LARP4: variants seen among roughly 807,000 people sequenced by gnomAD.
LARP4 encodes la-related protein 4.
In LARP4, 29 loss-of-function variants were observed where a neutral mutation model predicts 92.9. The observed-to-expected ratio is 0.31, with a 90% CI of 0.23 to 0.43. The LOEUF is 0.43. LARP4 is among the 20% of genes least tolerant of loss of function. LARP4 has a pLI of 1.00. For missense variants in LARP4, 732 were observed against 860.0 expected (o/e 0.85, Z 1.86); for synonymous variants, 279 against 284.1 (o/e 0.98, Z 0.18).
intron 7 of LARP4, 26 bp downstream of exon 7, chr12:50,440,575 A>G: frequency 6.7e-7 from 1 of 1,487,524 alleles, no homozygotes; most frequent in Non-Finnish European, 9.4e-7. Flanking sequence ...TTTCTGATAC[A>G]AGTCCATCCT....
intron 10 of LARP4, among the ~76,000 whole-genome samples, chr12:50,460,922 A>G (rs774909000): frequency 2.6e-5 from 4 of 152,188 alleles, no homozygotes; most frequent in Non-Finnish European, 5.9e-5. Flanking sequence ...AGCCTGGGCA[A>G]CAGAGCGAGA....
At chr12:50,426,684 G>GGGGGGGT in intron 1 of LARP4, among the ~76,000 whole-genome samples, 1 of 86,170 alleles carries the variant, frequency 1.2e-5, no homozygotes, top group African/African-American at 5.0e-5. Flanking sequence ...TTATGTTTGG[G>GGGGGGGT]GTGTGTGTGT....
chr12:50,418,841 C>T (rs1462066968), intron 1 of LARP4, among the ~76,000 whole-genome samples: 1 of 152,080 alleles, frequency 6.6e-6, no homozygotes, highest in Non-Finnish European at 1.5e-5. Flanking sequence ...GCCTTAGCCT[C>T]CCAGGTAACT....
chr12:50,437,738 C>T lies in LARP4; in HGVS notation c.539C>T (p.Ser180Phe). The T allele has an allele frequency of 1.9e-6, 3 of 1,593,098 alleles. No individual in the cohort carries two copies. The highest frequency in any genetic ancestry group is 2.6e-6 in the Non-Finnish European group (3 of 1,163,190). ...TACCCTTTCTTTTAAATTTCAGCTTCTCCCATGGTACAAGTTGATGAGAAG... is the reference window on the plus strand; with the variant it reads ...TACCCTTTCTTTTAAATTTCAGCTTTTCCCATGGTACAAGTTGATGAGAAG... Reference protein sequence around the residue: ...PDLILEVLRSSPMVQVDEKGE... With the variant: ...PDLILEVLRSFPMVQVDEKGE... The change falls in exon 6 of 16, where the codon TCT becomes TTT. Residue 180 changes from serine to phenylalanine, a missense_variant. By Grantham distance (155) the Ser-to-Phe change is radical. Transcript: ENST00000398473.
chr12:50,441,559 A>G, intron 7 of LARP4, 31 bp from the exon 8 acceptor site: 1 of 1,494,188 alleles, frequency 6.7e-7, no homozygotes, highest in Non-Finnish European at 9.2e-7. Context: ...TTTGAATGCT[A>G]ATGAAAGTTT....
chr12:50,432,571 G>A lies in LARP4; in HGVS notation c.398+2001G>A, dbSNP rs199553526. Among the ~76,000 whole-genome samples the A allele has an allele frequency of 2.6e-5, 4 of 151,972 alleles. No individual in the cohort carries two copies. The East Asian group carries it at 7.7e-4, about 29-fold the overall frequency. ...CCCCATACTGCTTGAAAATCTGGCA[G>A]TGTCTTGGCCTGGCGCAGTGGCTCA... is the stretch of plus-strand genomic sequence containing the variant. On this transcript the variant is annotated intron_variant, in intron 4 of 15. Transcript: ENST00000398473.
intron 8 of LARP4, among the ~76,000 whole-genome samples, chr12:50,452,867 C>T (rs1478957904): frequency 6.6e-6 from 1 of 151,872 alleles, no homozygotes; most frequent in Non-Finnish European, 1.5e-5. Flanking sequence ...TGATGAGCTA[C>T]AATTTACTGT....
At chr12:50,470,514 A>G (rs777848509) in intron 13 of LARP4, among the ~76,000 whole-genome samples, 10 of 151,592 alleles carry the variant, frequency 6.6e-5, no homozygotes, top group Non-Finnish European at 1.0e-4. Flanking sequence ...GCTCACTGCA[A>G]CCTCCATCTC....
chr12:50,420,776 T>C (rs2136752562), intron 1 of LARP4: 1 of 152,212 alleles, frequency 6.6e-6, no homozygotes, highest in Non-Finnish European at 1.5e-5. Flanking sequence ...CTGAATGATA[T>C]CCTTTGGGTA....
In LARP4 at chr12:50,429,105, TTTA is replaced by T. The variant is rs1474821846; in HGVS notation, c.322+18_322+20del. ...TGATGTTTCCGGTAAACTTTATGGT[TTTA>T]TTGTTAAAATGAGAATTCAGTACAG... On this transcript the variant is annotated intron_variant, in intron 3 of 15. Coordinates refer to ENST00000398473, the MANE Select transcript of LARP4 (RefSeq NM_052879.5). The T allele has an allele frequency of 6.2e-7, 1 of 1,605,114 alleles. No individual in the cohort carries two copies. The highest frequency in any genetic ancestry group is 1.7e-5 in the Admixed American group (1 of 59,584).
chr12:50,443,793 A>G (rs1041609451), intron 8 of LARP4, among the ~76,000 whole-genome samples: 1 of 151,720 alleles, frequency 6.6e-6, no homozygotes, highest in Admixed American at 6.6e-5. Context: ...TTGTATTTTT[A>G]GTAGAGACGG....
Position 50,478,312 on chromosome 12 carries a change from AGT to A in LARP4, c.*2450_*2451del. 2 of 151,936 alleles carry A rather than the reference AGT, an allele frequency of 1.3e-5. No homozygotes were observed. The highest frequency in any genetic ancestry group is 1.9e-4 in the East Asian group (1 of 5,184). The allele number at this position is 151,936 out of a possible 1,614,324, so 9.4% of individuals were successfully genotyped here. ...CCATTTGATGGCATGTATAGGGAAGAGTGAGAGAGTGTGTGTGTGTGTATGTG... is the reference window on the plus strand; with the variant it reads ...CCATTTGATGGCATGTATAGGGAAGAGAGAGAGTGTGTGTGTGTGTATGTG... On this transcript the variant is annotated 3_prime_UTR_variant, in exon 16 of 16. Transcript: ENST00000398473.
chr12:50,411,590 A>G (rs1328808288), intron 1 of LARP4, among the ~76,000 whole-genome samples: 2 of 151,854 alleles, frequency 1.3e-5, no homozygotes, highest in Non-Finnish European at 2.9e-5. Flanking sequence ...CAGCCTCCCA[A>G]AGTACTGGGA....
Position 50,400,913 on chromosome 12 carries a change from A to G in LARP4, c.-98A>G, listed in dbSNP as rs926849799. ...CGGGTCCACTGCCGGGTGGAGGGGCAAGGCGAGTGTGTGTCCTTATCCTAG... is the reference window on the plus strand; with the variant it reads ...CGGGTCCACTGCCGGGTGGAGGGGCGAGGCGAGTGTGTGTCCTTATCCTAG... On this transcript the variant is annotated 5_prime_UTR_variant, in exon 1 of 16. Coordinates refer to ENST00000398473, the MANE Select transcript of LARP4 (RefSeq NM_052879.5). 142 of 1,549,604 alleles carry G rather than the reference A, an allele frequency of 9.2e-5. No individual in the cohort carries two copies. Among genetic ancestry groups the G allele is most frequent in the East Asian group, 1.3e-4 (6 of 44,568 alleles).
intron 1 of LARP4, among the ~76,000 whole-genome samples, chr12:50,410,108 C>T (rs977385944): frequency 4.0e-5 from 6 of 148,560 alleles, no homozygotes; most frequent in Non-Finnish European, 7.4e-5. Context: ...AAAAAAAGAA[C>T]TATTTTGATA....
chr12:50,428,632 A>T (rs1406490313), intron 2 of LARP4, among the ~76,000 whole-genome samples: 2 of 152,212 alleles, frequency 1.3e-5, no homozygotes, highest in Non-Finnish European at 2.9e-5. Flanking sequence ...CTCCATCTGT[A>T]AAACAGAAGC....
At chr12:50,421,311 A>C in intron 1 of LARP4, 1 of 982,254 alleles carries the variant, frequency 1.0e-6, no homozygotes, top group African/African-American at 1.7e-5. Flanking sequence ...CAATAATCTT[A>C]AGTTTCATAT....
intron 8 of LARP4, among the ~76,000 whole-genome samples, chr12:50,444,189 T>C (rs1215644963): frequency 6.6e-6 from 1 of 152,206 alleles, no homozygotes; most frequent in East Asian, 1.9e-4. Context: ...TATTTCATTG[T>C]TAATTCAATT....
chr12:50,468,872 C>A (rs1035567894), intron 13 of LARP4, among the ~76,000 whole-genome samples: 1 of 151,950 alleles, frequency 6.6e-6, no homozygotes, highest in Non-Finnish European at 1.5e-5. Context: ...TTTTTCAGGG[C>A]TGAGACTCAA....
Sources: allele counts gnomAD v4.1 joint callset (sites outside exome capture counted in the v4.1 genomes callset), GRCh38; gene constraint gnomAD v4.1.1; transcripts MANE v1.5; gene names NCBI Gene and HGNC (gene_info 2026-07-23, HGNC 2026-07-21).